PTPRN2: variants seen among roughly 807,000 people sequenced by gnomAD.
PTPRN2 encodes protein tyrosine phosphatase receptor type N2.
In PTPRN2, 74 loss-of-function variants were observed where a neutral mutation model predicts 118.8. That is an observed-to-expected ratio of 0.62 (90% CI 0.52 to 0.76). The LOEUF (loss-of-function observed/expected upper bound fraction) is 0.76, where lower values mean the gene tolerates loss of function less well. Ranked by LOEUF, PTPRN2 falls within the 30% of genes least tolerant of loss-of-function variation. The pLI is 0.00. For missense variants in PTPRN2, 1,481 were observed against 1,394.4 expected, an observed-to-expected ratio of 1.06 and a Z score of -0.99; for synonymous variants, 641 against 608.0, an observed-to-expected ratio of 1.05 and a Z score of -0.80.
At chr7:158,461,946 G>A (rs941860584) in intron 2 of PTPRN2, among the ~76,000 whole-genome samples, 2 of 26,014 alleles carry the variant, frequency 7.7e-5, no homozygotes, top group African/African-American at 2.2e-4. Context: ...CTCACCCCAT[G>A]GCAGAGAATC....
chr7:158,108,680 C>T (rs1042969302), intron 10 of PTPRN2, among the ~76,000 whole-genome samples: 5 of 152,222 alleles, frequency 3.3e-5, no homozygotes, highest in Non-Finnish European at 5.9e-5. Flanking sequence ...CAGATTTCTA[C>T]TTCTAGAAAC....
chr7:157,997,872 G>A (rs1271019655), intron 11 of PTPRN2, among the ~76,000 whole-genome samples: 4 of 123,218 alleles, frequency 3.2e-5, no homozygotes, highest in African/African-American at 6.3e-5. Context: ...GGGGAGAGTA[G>A]TGCAGGGGAG....
At chr7:158,340,812 AC>A in intron 2 of PTPRN2, among the ~76,000 whole-genome samples, 3 of 86,290 alleles carry the variant, frequency 3.5e-5, no homozygotes, top group Admixed American at 1.1e-4. Context: ...TCACACCCAC[AC>A]ATGTCACTCA....
intron 2 of PTPRN2, among the ~76,000 whole-genome samples, chr7:158,341,363 T>TAAGAGCTGTCGCCC (rs1563177353): frequency 3.4e-5 from 4 of 117,992 alleles, no homozygotes; most frequent in African/African-American, 1.4e-4. Context: ...AGGTAACACA[T>TAAGAGCTGTCGCCC]GCAGACGTCA....
At chr7:158,142,059 C>T (rs780426808) in intron 6 of PTPRN2, among the ~76,000 whole-genome samples, 3 of 152,174 alleles carry the variant, frequency 2.0e-5, no homozygotes, top group East Asian at 1.9e-4. Flanking sequence ...TTGAAGTGTC[C>T]GTATTAACCC....
At chr7:158,187,108 A>G (rs538918463) in intron 5 of PTPRN2, among the ~76,000 whole-genome samples, 6 of 152,368 alleles carry the variant, frequency 3.9e-5, no homozygotes, top group African/African-American at 1.2e-4. Flanking sequence ...TCGTAACGAC[A>G]CCTTGATTTA....
Position 158,529,794 on chromosome 7 carries a change from C to A in PTPRN2, c.113-40009G>T, listed in dbSNP as rs1825082599. ...CACAGTCTCCCCAGGCCTCCCCAGC[C>A]AGCATGAGTTCTCAGCATCTCCTCT... On this transcript the variant is annotated intron_variant, in intron 1 of 22. Coordinates refer to ENST00000389418, the MANE Select transcript of PTPRN2 (RefSeq NM_002847.5). This position sits in a 1 kb window ranked among gnomAD's most constrained non-coding sequence, Gnocchi z 4.7. Among the ~76,000 whole-genome samples the A allele has an allele frequency of 6.6e-6, 1 of 152,160 alleles. No individual in the cohort carries two copies. The highest frequency in any genetic ancestry group is 2.4e-5 in the African/African-American group (1 of 41,434).
chr7:158,147,357 T>A (rs1563511198), intron 6 of PTPRN2, among the ~76,000 whole-genome samples: 1 of 54,776 alleles, frequency 1.8e-5, no homozygotes, highest in Non-Finnish European at 3.1e-5. Flanking sequence ...TCACGCCACG[T>A]ATCTTTCCCC....
At chr7:158,474,026 C>T (rs2129444448) in intron 2 of PTPRN2, among the ~76,000 whole-genome samples, 1 of 152,250 alleles carries the variant, frequency 6.6e-6, no homozygotes, top group African/African-American at 2.4e-5. Context: ...TCTAGGTAGA[C>T]ATCAAGATCT....
chr7:158,047,561 G>C (rs1405923029), intron 11 of PTPRN2, among the ~76,000 whole-genome samples: 1 of 150,090 alleles, frequency 6.7e-6, no homozygotes, highest in African/African-American at 2.4e-5. Flanking sequence ...CAGTCACTGA[G>C]TGTGTGAGGC....
In PTPRN2 at chr7:157,611,608, G is replaced by A. The variant is rs367568114; in HGVS notation, c.2345-7533C>T. Among the ~76,000 whole-genome samples the A allele has an allele frequency of 1.1e-4, 17 of 152,186 alleles. No homozygotes were observed. Among genetic ancestry groups the A allele is most frequent in the Admixed American group, 2.0e-4 (3 of 15,282 alleles). ...AGGGTCTTTACAGAGGTAAGCGAGC[G>A]GAGGGCATTTGGGCGGCCCTAATGC... On this transcript the variant is annotated intron_variant, in intron 15 of 22. Transcript: ENST00000389418. This position sits in a 1 kb window ranked among gnomAD's most constrained non-coding sequence, Gnocchi z 5.9.
chr7:158,207,634 A>C (rs551102352), intron 3 of PTPRN2, among the ~76,000 whole-genome samples: 25 of 152,332 alleles, frequency 1.6e-4, no homozygotes, highest in African/African-American at 6.0e-4. Context: ...AAAGTGGGCA[A>C]AGTCTTTTCA....
intron 21 of PTPRN2, among the ~76,000 whole-genome samples, chr7:157,558,846 C>A (rs1190440285): frequency 6.6e-6 from 1 of 152,224 alleles, no homozygotes; most frequent in Non-Finnish European, 1.5e-5. Context: ...CAGAAAGTGC[C>A]TGGGCTGGGG....
chr7:158,540,761 T>C (rs1333068915), intron 1 of PTPRN2, among the ~76,000 whole-genome samples: 1 of 152,200 alleles, frequency 6.6e-6, no homozygotes, highest in African/African-American at 2.4e-5. Flanking sequence ...TAAAATTCCA[T>C]GAGCTTTTCC....
intron 2 of PTPRN2, among the ~76,000 whole-genome samples, chr7:158,341,899 T>C (rs1320066238): frequency 2.3e-5 from 1 of 44,218 alleles, no homozygotes. Flanking sequence ...ACTCACCATA[T>C]GAGCTGACAC....
rs544039761 is a variant in PTPRN2, at chr7:157,726,300, C to T, written c.1789-43363G>A. On this transcript the variant is annotated intron_variant, in intron 12 of 22. Transcript: ENST00000389418. ...CATGCAGAGGAATGAGCCAGACCCT[C>T]GCCTCCCAGGAGAACTGGATATCCA... 8.2e-5 allele frequency among the ~76,000 whole-genome samples: 12 copies of T among 146,602 alleles called. No homozygotes were observed. The East Asian group carries it at 8.3e-4, about 10-fold the overall frequency.
intron 2 of PTPRN2, among the ~76,000 whole-genome samples, chr7:158,399,230 T>G (rs1415003695): frequency 6.6e-6 from 1 of 152,220 alleles, no homozygotes; most frequent in Non-Finnish European, 1.5e-5. Flanking sequence ...CACAAAGAGC[T>G]GATTTAGAAT....
At chr7:158,436,430 G>A (rs1315814383) in intron 2 of PTPRN2, among the ~76,000 whole-genome samples, 51 of 116,104 alleles carry the variant, frequency 4.4e-4, no homozygotes, top group African/African-American at 1.4e-3. Context: ...GGAGTCTCTC[G>A]AGTTCTGTCT....
rs1799603591 is a variant in PTPRN2 at position 157,568,640 on chromosome 7, G to A, written c.2902+262C>T. The stretch of plus-strand genomic sequence containing the variant: ...CTGTGTGCTCGGCACACCAAGGCAG[G>A]TAACAAAGGACCCAGTGCATGCTCG... On this transcript the variant is annotated intron_variant, in intron 21 of 22. Coordinates refer to ENST00000389418, the MANE Select transcript of PTPRN2 (RefSeq NM_002847.5). 2.0e-5 allele frequency among the ~76,000 whole-genome samples: 3 copies of A among 152,078 alleles called. No individual in the cohort carries two copies. The South Asian group carries it at 6.2e-4, about 31-fold the overall frequency.
Sources: gnomAD v4.1 joint callset for allele counts (sites outside exome capture counted in the v4.1 genomes callset) on GRCh38, gnomAD v4.1.1 for gene constraint, Gnocchi (gnomAD v3.1) non-coding constraint, MANE v1.5 for transcripts, NCBI Gene and HGNC (gene_info 2026-07-23, HGNC 2026-07-21) for gene names.